TYR: variants seen among roughly 807,000 people sequenced by gnomAD.
TYR encodes the protein LB24-AB.
A neutral mutation model predicts 51.5 loss-of-function variants in TYR; 58 were observed. The observed-to-expected ratio is 1.13, with a 90% confidence interval of 0.91 to 1.40. The LOEUF (loss-of-function observed/expected upper bound fraction) is 1.40, where lower values mean the gene tolerates loss of function less well. Ranked by LOEUF, TYR falls within the 40% of genes most tolerant of loss-of-function variation. The pLI is 0.00. For synonymous variants in TYR, 263 were observed against 235.2 expected (o/e 1.12, Z -1.08); for missense variants, 732 against 647.4 (o/e 1.13, Z -1.42).
intron 1 of TYR, 47 bp from the exon 2 acceptor site, chr11:89,191,155 A>G (rs1231134330): frequency 1.3e-6 from 2 of 1,563,938 alleles, no homozygotes; most frequent in Admixed American, 1.7e-5. Context: ...TCTCCTACTG[A>G]CTCAGTGGTG....
intron 2 of TYR, among the ~76,000 whole-genome samples, chr11:89,213,844 G>A (rs1054189162): frequency 2.0e-5 from 3 of 152,136 alleles, no homozygotes; most frequent in Non-Finnish European, 4.4e-5. Flanking sequence ...AATGGAGAAA[G>A]GATTCCCTAT....
chr11:89,262,525 A>G (rs146323027), intron 3 of TYR, among the ~76,000 whole-genome samples: 1 of 151,648 alleles, frequency 6.6e-6, no homozygotes, highest in Non-Finnish European at 1.5e-5. Flanking sequence ...GAATACGAAC[A>G]CAGTAGAGAA....
intron 3 of TYR, among the ~76,000 whole-genome samples, chr11:89,246,066 G>A (rs550934423): frequency 6.6e-6 from 1 of 152,112 alleles, no homozygotes; most frequent in African/African-American, 2.4e-5. Flanking sequence ...TAAATACTCC[G>A]ATGTGGCTGG....
intron 4 of TYR, 152 bp from the exon 5 acceptor site, chr11:89,294,991 G>GT: frequency 7.9e-7 from 1 of 1,272,338 alleles, no homozygotes; most frequent in Non-Finnish European, 1.1e-6. Flanking sequence ...GGAGTATTAG[G>GT]TGTAACTTTC....
chr11:89,287,711 G>T (rs1388317358), intron 4 of TYR, among the ~76,000 whole-genome samples: 1 of 151,902 alleles, frequency 6.6e-6, no homozygotes, highest in Non-Finnish European at 1.5e-5. Flanking sequence ...TAAATTTTAA[G>T]CAGGTTATAA....
At chr11:89,183,984 G>A (rs1943334336) in intron 1 of TYR, among the ~76,000 whole-genome samples, 1 of 152,018 alleles carries the variant, frequency 6.6e-6, no homozygotes, top group Non-Finnish European at 1.5e-5. Context: ...AATACCCAGA[G>A]AGCTTAAGTA....
chr11:89,217,629 T>G (rs1943849530), intron 2 of TYR, among the ~76,000 whole-genome samples: 1 of 152,208 alleles, frequency 6.6e-6, no homozygotes, highest in South Asian at 2.1e-4. Flanking sequence ...ACACAGTGAA[T>G]GGATGTGTCT....
chr11:89,227,691 G>T, intron 2 of TYR, 132 bp from the exon 3 acceptor site: 1 of 808,118 alleles, frequency 1.2e-6, no homozygotes, highest in South Asian at 1.7e-5. Context: ...GTCTCAATAC[G>T]GAATGAATTT....
intron 3 of TYR, among the ~76,000 whole-genome samples, chr11:89,259,036 T>C (rs1221691212): frequency 6.6e-6 from 1 of 152,096 alleles, no homozygotes; most frequent in African/African-American, 2.4e-5. Flanking sequence ...CTTTTTTTAA[T>C]ACCCATGTGC....
chr11:89,185,703 T>C (rs1167629284), intron 1 of TYR, among the ~76,000 whole-genome samples: 3 of 152,162 alleles, frequency 2.0e-5, no homozygotes, highest in Non-Finnish European at 4.4e-5. Flanking sequence ...GGGTGGACTC[T>C]CCTGAATTTC....
At chr11:89,241,767 A>T (rs1944197925) in intron 3 of TYR, among the ~76,000 whole-genome samples, 1 of 147,926 alleles carries the variant, frequency 6.8e-6, no homozygotes, top group Admixed American at 6.8e-5. Context: ...TATATTATAT[A>T]TTACTATAAT....
intron 2 of TYR, among the ~76,000 whole-genome samples, chr11:89,193,397 C>G (rs951847859): frequency 1.3e-5 from 2 of 152,022 alleles, no homozygotes; most frequent in African/African-American, 4.8e-5. Context: ...CTAATACACA[C>G]AGGTGAGGAG....
chr11:89,197,124 C>T (rs1943529832), intron 2 of TYR, among the ~76,000 whole-genome samples: 1 of 152,110 alleles, frequency 6.6e-6, no homozygotes, highest in South Asian at 2.1e-4. Flanking sequence ...AGAGGCATTT[C>T]CAGCAGAGGG....
intron 2 of TYR, among the ~76,000 whole-genome samples, chr11:89,202,444 C>T (rs188700326): frequency 2.0e-5 from 3 of 152,064 alleles, no homozygotes; most frequent in Admixed American, 2.0e-4. Context: ...AATAGTAGGT[C>T]ATTGTGTTTC....
intron 3 of TYR, among the ~76,000 whole-genome samples, chr11:89,230,786 C>T (rs1944036178): frequency 6.6e-6 from 1 of 151,640 alleles, no homozygotes; most frequent in Non-Finnish European, 1.5e-5. Flanking sequence ...AGATGCTCAA[C>T]ATCACTAATC....
intron 2 of TYR, chr11:89,192,016 C>G: frequency 2.2e-6 from 1 of 454,180 alleles, no homozygotes; most frequent in Non-Finnish European, 4.4e-6. Flanking sequence ...ATATTCTAGG[C>G]AGTGGGTTCT....
At chr11:89,247,265 T>C (rs902300544) in intron 3 of TYR, among the ~76,000 whole-genome samples, 5 of 152,174 alleles carry the variant, frequency 3.3e-5, no homozygotes, top group African/African-American at 9.7e-5. Context: ...TATCGATCAT[T>C]TTTAGCACCT....
intron 2 of TYR, among the ~76,000 whole-genome samples, chr11:89,200,787 T>C (rs1469930329): frequency 6.6e-6 from 1 of 152,170 alleles, no homozygotes; most frequent in Non-Finnish European, 1.5e-5. Flanking sequence ...CTCACACAAC[T>C]ATGTAATCAG....
intron 3 of TYR, among the ~76,000 whole-genome samples, chr11:89,279,611 T>C (rs1020420271): frequency 2.6e-5 from 4 of 151,786 alleles, no homozygotes; most frequent in African/African-American, 9.7e-5. Flanking sequence ...TAAATTATTA[T>C]GCTTTTCTTT....
Sources: allele counts gnomAD v4.1 joint callset (sites outside exome capture counted in the v4.1 genomes callset), GRCh38; gene constraint gnomAD v4.1.1; transcripts MANE v1.5; gene names NCBI Gene and HGNC (gene_info 2026-07-23, HGNC 2026-07-21).